Variants in MACROD1 observed in about 807,000 individuals in gnomAD.
MACROD1 encodes the protein ADP-ribose glycohydrolase MACROD1.
MACROD1 carries 31 observed loss-of-function variants against 41.4 expected under a neutral mutation model. The observed-to-expected ratio is 0.75, with a 90% CI of 0.56 to 1.01. MACROD1 has a LOEUF of 1.01. MACROD1 is among the 50% of genes least tolerant of loss of function. The probability of loss-of-function intolerance (pLI) is 0.00; values close to 1 mark genes in which losing one functional copy is unlikely to be tolerated. For synonymous variants in MACROD1, 252 were observed against 203.4 expected, an observed-to-expected ratio of 1.24 and a Z score of -2.03; for missense variants, 473 against 460.0, an observed-to-expected ratio of 1.03 and a Z score of -0.26.
At chr11:64,043,324 C>G (rs574409656) in intron 3 of MACROD1, among the ~76,000 whole-genome samples, 1 of 152,204 alleles carries the variant, frequency 6.6e-6, no homozygotes. Context: ...TACAGGCTAG[C>G]TTTCCGCCCT....
At chr11:64,118,155 A>G (rs1945029384) in intron 3 of MACROD1, 3 of 1,613,676 alleles carry the variant, frequency 1.9e-6, no homozygotes, top group Non-Finnish European at 2.5e-6. Context: ...GTACCGCGCC[A>G]AAGAAGAGTA....
intron 3 of MACROD1, among the ~76,000 whole-genome samples, chr11:64,074,437 C>T (rs1346361427): frequency 1.2e-4 from 18 of 152,186 alleles, no homozygotes; most frequent in Non-Finnish European, 1.5e-5. Flanking sequence ...CAGGATCCCA[C>T]GTGACCCTAG....
intron 3 of MACROD1, among the ~76,000 whole-genome samples, chr11:64,113,991 GATGA>G (rs965017510): frequency 1.3e-5 from 2 of 149,164 alleles, no homozygotes; most frequent in African/African-American, 2.5e-5. Flanking sequence ...TAATTGGATG[GATGA>G]ATGGACAGGT....
At chr11:64,127,308 G>A (rs1372906407) in intron 3 of MACROD1, among the ~76,000 whole-genome samples, 1 of 152,266 alleles carries the variant, frequency 6.6e-6, no homozygotes, top group Non-Finnish European at 1.5e-5. Context: ...TCTTGCTGCT[G>A]ACTCTCGGCT....
At chr11:64,155,044 C>G (rs1945646392) in intron 1 of MACROD1, among the ~76,000 whole-genome samples, 1 of 152,128 alleles carries the variant, frequency 6.6e-6, no homozygotes, top group Admixed American at 6.5e-5. Context: ...GCCATCTTGA[C>G]CTGTAGGTTC....
chr11:64,001,196 C>T (rs367896445), intron 4 of MACROD1: 22 of 568,022 alleles, frequency 3.9e-5, no homozygotes, highest in African/African-American at 3.6e-4. Flanking sequence ...AGAGGCGCGG[C>T]CTCAGGCAGG....
chr11:64,052,931 G>A (rs1199369954), intron 3 of MACROD1, among the ~76,000 whole-genome samples: 2 of 152,200 alleles, frequency 1.3e-5, no homozygotes, highest in Admixed American at 1.3e-4. Context: ...GCCAGGCTTG[G>A]CCTCACGGTC....
In MACROD1 at chr11:64,117,680, G is replaced by A. The variant is rs143933813; in HGVS notation, c.517+33559C>T. 10 of 1,613,670 alleles carry A rather than the reference G, an allele frequency of 6.2e-6. No homozygotes were observed. The South Asian group carries it at 9.9e-5, about 16-fold the overall frequency. On this transcript the variant is annotated intron_variant, in intron 3 of 10. Transcript: ENST00000255681. ...CTTTCCGGCTCAGTTGGCTGCGCCTGGGCCACAGCCCAGCCGTGGGCTCCA... is the reference window on the plus strand; with the variant it reads ...CTTTCCGGCTCAGTTGGCTGCGCCTAGGCCACAGCCCAGCCGTGGGCTCCA...
intron 3 of MACROD1, among the ~76,000 whole-genome samples, chr11:64,084,391 G>A (rs1043019793): frequency 2.0e-5 from 3 of 152,128 alleles, no homozygotes; most frequent in Non-Finnish European, 2.9e-5. Flanking sequence ...CTCTGCCCCC[G>A]CTGCCTGAGC....
At position 64,117,288 on chromosome 11, in the gene MACROD1, G is replaced by A. The variant is rs762577383; in HGVS notation, c.517+33951C>T. On this transcript the variant is annotated intron_variant, in intron 3 of 10. Transcript: ENST00000255681. ...TGGCTGCAACCTCATGTGGCTGCGG[G>A]ACTGGGTGAAGGCACGGGCGGCCGT... 6.2e-6 allele frequency: 10 copies of A among 1,614,176 alleles called. No homozygotes were observed. The highest frequency in any genetic ancestry group is 8.5e-6 in the Non-Finnish European group (10 of 1,180,018).
At chr11:64,111,655 G>A (rs1489392754) in intron 3 of MACROD1, among the ~76,000 whole-genome samples, 1 of 152,204 alleles carries the variant, frequency 6.6e-6, no homozygotes, top group Non-Finnish European at 1.5e-5. Flanking sequence ...TGCCTGTGAA[G>A]GGGGGTGGGT....
chr11:64,021,902 G>T (rs760537621), intron 3 of MACROD1, among the ~76,000 whole-genome samples: 1 of 139,884 alleles, frequency 7.1e-6, no homozygotes, highest in African/African-American at 2.6e-5. Flanking sequence ...GCCAGAGGCC[G>T]AGAAGGAAAT....
chr11:64,116,530 T>C (rs1169658379), intron 3 of MACROD1: 1 of 1,613,812 alleles, frequency 6.2e-7, no homozygotes, highest in Non-Finnish European at 8.5e-7. Flanking sequence ...ACCCTCTACC[T>C]GCAGAACAAC....
chr11:64,084,612 G>A (rs1028845009), intron 3 of MACROD1, among the ~76,000 whole-genome samples: 5 of 152,332 alleles, frequency 3.3e-5, no homozygotes, highest in African/African-American at 1.2e-4. Flanking sequence ...ACCCACTTAG[G>A]ACAGCGCCTA....
intron 3 of MACROD1, among the ~76,000 whole-genome samples, chr11:64,070,563 G>A (rs2134460655): frequency 6.6e-6 from 1 of 152,314 alleles, no homozygotes; most frequent in East Asian, 1.9e-4. Context: ...CAAGTCAGGT[G>A]GGATCCAGCC....
In MACROD1 at chr11:64,160,765, G is replaced by A. The variant is rs376584813; in HGVS notation, c.298+4932C>T. ...CAGAAGTTGGAGGCTGCAGTGAGCT[G>A]TGATTGCACCACTGCACTCCAGCCT... On this transcript the variant is annotated intron_variant, in intron 1 of 10. Transcript: ENST00000255681. Among the ~76,000 whole-genome samples, 53 of 149,172 alleles carry A rather than the reference G, an allele frequency of 3.6e-4. No homozygotes were observed. In the East Asian group the frequency reaches 7.7e-3, roughly 22 times the overall value.
intron 3 of MACROD1, among the ~76,000 whole-genome samples, chr11:64,109,983 G>C (rs1944831078): frequency 6.6e-6 from 1 of 152,156 alleles, no homozygotes; most frequent in South Asian, 2.1e-4. Context: ...ACTTGGGGCA[G>C]CTTTTAAACT....
At position 64,036,428 on chromosome 11, in the gene MACROD1, G is replaced by T. The variant is rs1351032603; in HGVS notation, c.518-21147C>A. On this transcript the variant is annotated intron_variant, in intron 3 of 10. Transcript: ENST00000255681. The surrounding 1 kb of genome is among the most constrained non-coding windows in gnomAD (Gnocchi z 5.6). ...GCGCGGCCGGCGGCTCAGCTCTCCC[G>T]AGCCGAGGCTGGAAAGGGCGGGGGC... 6.6e-6 allele frequency among the ~76,000 whole-genome samples: 1 copy of T among 152,158 alleles called. No homozygotes were observed.
intron 3 of MACROD1, among the ~76,000 whole-genome samples, chr11:64,037,075 G>A (rs1565203828): frequency 1.3e-5 from 2 of 151,948 alleles, no homozygotes; most frequent in East Asian, 3.9e-4. Context: ...AGCCCAGCTG[G>A]GGTGTGCCAG....
Sources: gnomAD v4.1 joint callset for allele counts (sites outside exome capture counted in the v4.1 genomes callset) on GRCh38, gnomAD v4.1.1 for gene constraint, Gnocchi (gnomAD v3.1) non-coding constraint, MANE v1.5 for transcripts, NCBI Gene and HGNC (gene_info 2026-07-23, HGNC 2026-07-21) for gene names.